PTPRM: variants seen among roughly 807,000 people sequenced by gnomAD.
PTPRM encodes the protein receptor-type tyrosine-protein phosphatase mu.
In PTPRM, 47 loss-of-function variants were observed where a neutral mutation model predicts 186.7. That is an observed-to-expected ratio of 0.25 (90% CI 0.20 to 0.32). The LOEUF (loss-of-function observed/expected upper bound fraction) is 0.32, where lower values mean the gene tolerates loss of function less well. Among genes scored for constraint, PTPRM ranks in the 10% least tolerant of loss-of-function variants. PTPRM has a pLI of 1.00. For missense variants in PTPRM, 1,494 were observed against 1,865.0 expected, an observed-to-expected ratio of 0.80 and a Z score of 3.66; for synonymous variants, 668 against 674.9, an observed-to-expected ratio of 0.99 and a Z score of 0.16.
At chr18:8,237,977 A>T (rs2094366358) in intron 14 of PTPRM, among the ~76,000 whole-genome samples, 1 of 151,918 alleles carries the variant, frequency 6.6e-6, no homozygotes, top group African/African-American at 2.4e-5. Context: ...TTAAGACTTT[A>T]TCTTTGTCTG....
intron 7 of PTPRM, among the ~76,000 whole-genome samples, chr18:7,991,986 C>T (rs1016353227): frequency 6.6e-6 from 1 of 151,998 alleles, no homozygotes; most frequent in South Asian, 2.1e-4. Context: ...AACCATCGAC[C>T]AGCCTCCAGA....
chr18:8,289,514 G>GTATATATATACATATATATACACATATA (rs2095004781), intron 19 of PTPRM, among the ~76,000 whole-genome samples: 1 of 89,804 alleles, frequency 1.1e-5, no homozygotes, highest in Non-Finnish European at 2.2e-5. Flanking sequence ...GTGTGTGTAT[G>GTATATATATACATATATATACACATATA]TATATATATA....
intron 20 of PTPRM, among the ~76,000 whole-genome samples, chr18:8,307,993 T>TA (rs2095239543): frequency 6.6e-6 from 1 of 152,188 alleles, no homozygotes; most frequent in South Asian, 2.1e-4. Flanking sequence ...GAACATGAGC[T>TA]ATTATTACAA....
chr18:7,823,979 A>T (rs974972643), intron 2 of PTPRM, among the ~76,000 whole-genome samples: 1 of 152,148 alleles, frequency 6.6e-6, no homozygotes, highest in African/African-American at 2.4e-5. Context: ...TGCTCACTGG[A>T]TGGATCTGTC....
intron 20 of PTPRM, among the ~76,000 whole-genome samples, chr18:8,312,881 G>A (rs1044315436): frequency 1.3e-5 from 2 of 152,172 alleles, no homozygotes; most frequent in African/African-American, 4.8e-5. Flanking sequence ...ATGAAATAAT[G>A]TGACTACCTG....
In PTPRM at chr18:8,215,696, C is replaced by T. The variant is rs539427938; in HGVS notation, c.2301-28362C>T. Among the ~76,000 whole-genome samples, 34 of 151,982 alleles carry T rather than the reference C, an allele frequency of 2.2e-4. 1 individual carries two copies. Among genetic ancestry groups the T allele is most frequent in the African/African-American group, 7.7e-4 (32 of 41,482 alleles). On this transcript the variant is annotated intron_variant, in intron 14 of 32. Transcript: ENST00000580170. ...TAGCTGAGACTACAGGCTCATGCCA[C>T]TAGGCTCAGCTACTTTTTTTCGTTC...
At chr18:8,284,267 C>A (rs2094932734) in intron 19 of PTPRM, among the ~76,000 whole-genome samples, 1 of 152,170 alleles carries the variant, frequency 6.6e-6, no homozygotes, top group South Asian at 2.1e-4. Context: ...TTAGTTTAAT[C>A]CCAAACCTTG....
intron 1 of PTPRM, among the ~76,000 whole-genome samples, chr18:7,699,109 T>C (rs1230175448): frequency 6.6e-6 from 1 of 152,116 alleles, no homozygotes; most frequent in Non-Finnish European, 1.5e-5. Context: ...ACGAACTCTT[T>C]TGTGAACTGC....
At chr18:8,386,775 A>G (rs1478509619) in intron 30 of PTPRM, among the ~76,000 whole-genome samples, 2 of 152,194 alleles carry the variant, frequency 1.3e-5, no homozygotes, top group Non-Finnish European at 2.9e-5. Context: ...ACTTAACATG[A>G]CAATGTGGTC....
chr18:8,238,653 T>G (rs77775224), intron 14 of PTPRM, among the ~76,000 whole-genome samples: 550 of 26,170 alleles, frequency 0.021, no homozygotes, highest in African/African-American at 0.045. Flanking sequence ...TTTTGTGTGT[T>G]TTTTTTTTTT....
At chr18:7,676,707 G>A (rs916612111) in intron 1 of PTPRM, among the ~76,000 whole-genome samples, 2 of 151,654 alleles carry the variant, frequency 1.3e-5, no homozygotes, top group Non-Finnish European at 1.5e-5. Context: ...ACGCGCACGC[G>A]CATGGATTAG....
intron 1 of PTPRM, among the ~76,000 whole-genome samples, chr18:7,756,681 G>A (rs933339368): frequency 2.0e-5 from 3 of 152,094 alleles, no homozygotes; most frequent in African/African-American, 7.2e-5. Context: ...ACAATTGTAT[G>A]TACAATATAC....
intron 3 of PTPRM, among the ~76,000 whole-genome samples, chr18:7,902,191 C>T (rs2049728554): frequency 6.6e-6 from 1 of 152,218 alleles, no homozygotes; most frequent in South Asian, 2.1e-4. Flanking sequence ...TAATTAAACT[C>T]AGAGGGGGCA....
In PTPRM at chr18:8,105,698, G is replaced by A. The variant is rs199896067; in HGVS notation, c.1857-7788G>A. 1.2e-4 allele frequency among the ~76,000 whole-genome samples: 18 copies of A among 152,276 alleles called. No homozygotes were observed. In the East Asian group the frequency reaches 2.7e-3, roughly 23 times the overall value. On this transcript the variant is annotated intron_variant, in intron 11 of 32. Coordinates refer to ENST00000580170, the MANE Select transcript of PTPRM (RefSeq NM_001105244.2). ...TTCCCAGGCCCCCAGTGCTGAGGGC[G>A]GCAAGCCCAGGGCGCCTGTGGGAGG... is the stretch of plus-strand genomic sequence containing the variant.
chr18:7,790,349 C>A (rs1208605600), intron 2 of PTPRM, among the ~76,000 whole-genome samples: 1 of 152,198 alleles, frequency 6.6e-6, no homozygotes, highest in Admixed American at 6.5e-5. Flanking sequence ...CCATGTGAGC[C>A]TTTCACAGGC....
chr18:8,348,742 G>A (rs1022114758), intron 23 of PTPRM, among the ~76,000 whole-genome samples: 4 of 152,102 alleles, frequency 2.6e-5, no homozygotes, highest in Admixed American at 6.5e-5. Flanking sequence ...TTTTTACACC[G>A]GTAATTTAAG....
At chr18:8,300,276 A>T (rs1427768545) in intron 20 of PTPRM, among the ~76,000 whole-genome samples, 1 of 152,162 alleles carries the variant, frequency 6.6e-6, no homozygotes, top group Non-Finnish European at 1.5e-5. Context: ...GGGTTTGGAG[A>T]TAGGAGGAAC....
At chr18:7,946,259 A>G (rs776254847) in intron 5 of PTPRM, among the ~76,000 whole-genome samples, 1 of 152,258 alleles carries the variant, frequency 6.6e-6, no homozygotes, top group East Asian at 1.9e-4. Context: ...TTGAATAAAC[A>G]TTCTTTTGAT....
chr18:8,021,370 T>A (rs1370875806), intron 7 of PTPRM, among the ~76,000 whole-genome samples: 1 of 151,010 alleles, frequency 6.6e-6, no homozygotes, highest in African/African-American at 2.4e-5. Flanking sequence ...ATATAAATTT[T>A]ACTTTAAGTT....
Sources: gnomAD v4.1 joint callset for allele counts (sites outside exome capture counted in the v4.1 genomes callset) on GRCh38, gnomAD v4.1.1 for gene constraint, MANE v1.5 for transcripts, NCBI Gene and HGNC (gene_info 2026-07-23, HGNC 2026-07-21) for gene names.